NUDCD1: variants seen among roughly 807,000 people sequenced by gnomAD.
NUDCD1 encodes NudC domain containing 1.
A neutral mutation model predicts 67.8 loss-of-function variants in NUDCD1; 60 were observed. The ratio of observed to expected loss-of-function variants is 0.88; its 90% CI spans 0.72 to 1.10. The LOEUF is 1.10. Among genes scored for constraint, NUDCD1 ranks in the 50% least tolerant of loss-of-function variants. The probability of loss-of-function intolerance (pLI) is 0.00; values close to 1 mark genes in which losing one functional copy is unlikely to be tolerated. For synonymous variants in NUDCD1, 244 were observed against 230.8 expected, an observed-to-expected ratio of 1.06 and a Z score of -0.52; for missense variants, 643 against 695.0, an observed-to-expected ratio of 0.93 and a Z score of 0.84.
intron 2 of NUDCD1, among the ~76,000 whole-genome samples, chr8:109,310,890 A>G (rs1237913764): frequency 3.0e-5 from 4 of 134,444 alleles, no homozygotes; most frequent in Non-Finnish European, 6.0e-5. Flanking sequence ...ATCTCGGCTC[A>G]CTGAAACCTC....
chr8:109,319,476 G>C (rs1815481173), intron 2 of NUDCD1, among the ~76,000 whole-genome samples: 2 of 152,176 alleles, frequency 1.3e-5, no homozygotes, highest in South Asian at 4.1e-4. Context: ...ATGTAGATTT[G>C]AGAGCCAATG....
chr8:109,319,431 G>GT (rs1281514651), intron 2 of NUDCD1, among the ~76,000 whole-genome samples: 2 of 152,144 alleles, frequency 1.3e-5, no homozygotes, highest in South Asian at 2.1e-4. Flanking sequence ...GCAGAAAAGC[G>GT]TATCAACCTC....
intron 6 of NUDCD1, among the ~76,000 whole-genome samples, chr8:109,277,304 A>C (rs2129972318): frequency 6.6e-6 from 1 of 152,330 alleles, no homozygotes; most frequent in East Asian, 1.9e-4. Flanking sequence ...ACACTTACCC[A>C]GTGAACTGTT....
At chr8:109,262,074 T>C (rs1813874492) in intron 8 of NUDCD1, among the ~76,000 whole-genome samples, 1 of 152,232 alleles carries the variant, frequency 6.6e-6, no homozygotes, top group Non-Finnish European at 1.5e-5. Context: ...ACTACTCACT[T>C]CAGCCACTCT....
At chr8:109,297,529 C>G (rs1377638674) in intron 2 of NUDCD1, among the ~76,000 whole-genome samples, 1 of 152,000 alleles carries the variant, frequency 6.6e-6, no homozygotes, top group Non-Finnish European at 1.5e-5. Flanking sequence ...TCTCTTTTTC[C>G]CCCTCCGCCT....
chr8:109,300,049 G>C (rs964549116), intron 2 of NUDCD1, among the ~76,000 whole-genome samples: 4 of 152,138 alleles, frequency 2.6e-5, no homozygotes, highest in Non-Finnish European at 4.4e-5. Flanking sequence ...CATAGGAAAA[G>C]GGGGAGACTA....
chr8:109,333,865 G>A lies in NUDCD1; in HGVS notation c.118+28C>T, dbSNP rs775032431. ...AGGCAGCCGAAAGGGGAAAGGAACG[G>A]AGTACGAAGGGCGCCGCCGCTTCCC... On this transcript the variant is annotated intron_variant, in intron 1 of 9. Transcript: ENST00000239690. The A allele has an allele frequency of 2.6e-5, 42 of 1,612,850 alleles. No individual in the cohort carries two copies. The South Asian group carries it at 3.7e-4, about 14-fold the overall frequency.
At chr8:109,275,226 C>T (rs1362522623) in intron 7 of NUDCD1, 126 bp downstream of exon 7, 1 of 762,148 alleles carries the variant, frequency 1.3e-6, no homozygotes, top group Non-Finnish European at 2.1e-6. Flanking sequence ...TCACTCAGAT[C>T]AGTAGTATCT....
intron 2 of NUDCD1, among the ~76,000 whole-genome samples, chr8:109,301,400 T>C (rs1193008410): frequency 6.6e-6 from 1 of 152,240 alleles, no homozygotes; most frequent in Admixed American, 6.5e-5. Flanking sequence ...TGCTGACTCC[T>C]TTTTCGGACT....
At chr8:109,275,539 A>G (rs1814266187) in intron 6 of NUDCD1, 43 bp from the exon 7 acceptor site, 2 of 1,484,816 alleles carry the variant, frequency 1.3e-6, no homozygotes, top group African/African-American at 1.4e-5. Flanking sequence ...TTAAGCAATT[A>G]TACAAATTAT....
At chr8:109,243,737 T>A (rs180814603) in intron 9 of NUDCD1, among the ~76,000 whole-genome samples, 1 of 152,180 alleles carries the variant, frequency 6.6e-6, no homozygotes, top group South Asian at 2.1e-4. Context: ...TAGGATACCA[T>A]CATAAAGTTA....
At chr8:109,311,910 C>G (rs1815263061) in intron 2 of NUDCD1, among the ~76,000 whole-genome samples, 1 of 151,890 alleles carries the variant, frequency 6.6e-6, no homozygotes, top group African/African-American at 2.4e-5. Flanking sequence ...AACCAAACAC[C>G]ATCTGTTGTT....
chr8:109,283,842 A>G (rs577267174), intron 5 of NUDCD1, among the ~76,000 whole-genome samples: 2 of 152,302 alleles, frequency 1.3e-5, no homozygotes, highest in South Asian at 4.1e-4. Flanking sequence ...ACAGAGCCAT[A>G]GTCCCTGTAA....
At position 109,241,030 on chromosome 8, in the gene NUDCD1, T is replaced by C. The variant is rs972786029; in HGVS notation, c.*1979A>G. 1 of 152,234 alleles carries C rather than the reference T, an allele frequency of 6.6e-6. No homozygotes were observed. The highest frequency in any genetic ancestry group is 2.1e-4 in the South Asian group (1 of 4,820). 9.4% of individuals were successfully genotyped at this position (152,234 alleles called of 1,614,324 possible). On this transcript the variant is annotated 3_prime_UTR_variant, in exon 10 of 10. Transcript: ENST00000239690. ...CAAGGTACTATATTCTTAGCACTTG[T>C]AGTATATATCTCAATGTTCTAAGTA...
chr8:109,311,536 T>G (rs1302880178), intron 2 of NUDCD1, among the ~76,000 whole-genome samples: 1 of 138,242 alleles, frequency 7.2e-6, no homozygotes, highest in Non-Finnish European at 1.5e-5. Flanking sequence ...CATCAATCAA[T>G]GAGTGGATAA....
chr8:109,267,200 G>A (rs914181636), intron 8 of NUDCD1, among the ~76,000 whole-genome samples: 1 of 152,086 alleles, frequency 6.6e-6, no homozygotes, highest in Non-Finnish European at 1.5e-5. Context: ...ATGGGGGTTT[G>A]GTGCACAGAT....
rs1293249656 is a variant in NUDCD1 at position 109,316,799 on chromosome 8, A to G, written c.273+5510T>C. ...TTGATAAAATGCAGGTTCCCAGTCC[A>G]TGACCAACCCTGACAATAATGAATC... On this transcript the variant is annotated intron_variant, in intron 2 of 9. Coordinates refer to ENST00000239690, the MANE Select transcript of NUDCD1 (RefSeq NM_032869.4). Among the ~76,000 whole-genome samples, 6 of 152,368 alleles carry G rather than the reference A, an allele frequency of 3.9e-5. No homozygotes were observed. In the East Asian group the frequency reaches 1.2e-3, roughly 29 times the overall value.
intron 1 of NUDCD1, among the ~76,000 whole-genome samples, chr8:109,329,047 T>C (rs1815745689): frequency 6.6e-6 from 1 of 151,964 alleles, no homozygotes; most frequent in Non-Finnish European, 1.5e-5. Flanking sequence ...ATGCAAAAGA[T>C]TTAAATCAAA....
intron 2 of NUDCD1, among the ~76,000 whole-genome samples, chr8:109,321,832 C>T (rs747720605): frequency 4.6e-5 from 7 of 151,520 alleles, no homozygotes; most frequent in Non-Finnish European, 1.0e-4. Flanking sequence ...GTATTAATAC[C>T]AAAGAAGATT....
Sources: allele counts gnomAD v4.1 joint callset (sites outside exome capture counted in the v4.1 genomes callset), GRCh38; gene constraint gnomAD v4.1.1; transcripts MANE v1.5; gene names NCBI Gene and HGNC (gene_info 2026-07-23, HGNC 2026-07-21).